The following MGAT4D variants were observed in gnomAD, a reference collection of about 807,000 sequenced individuals.
MGAT4D encodes MGAT4 family member D, also known as alpha-1,3-mannosyl-glycoprotein 4-beta-N-acetylglucosaminyltransferase-like protein MGAT4D.
Under a neutral mutation model 15.9 loss-of-function variants are expected in MGAT4D, and 34 were observed. That is an observed-to-expected ratio of 2.14 (90% CI 1.62 to 2.84). The LOEUF is 2.84. Among genes scored for constraint, MGAT4D ranks in the 30% most tolerant of loss-of-function variants. The pLI is 0.00. For synonymous variants in MGAT4D, 112 were observed against 48.2 expected (o/e 2.33, Z -5.49); for missense variants, 327 against 140.2 (o/e 2.33, Z -6.73).
intron 1 of MGAT4D, among the ~76,000 whole-genome samples, chr4:140,491,037 T>C (rs963973430): frequency 1.3e-5 from 2 of 152,244 alleles, no homozygotes; most frequent in African/African-American, 4.8e-5. Context: ...TTCTCAATAG[T>C]TCTACAAGTC....
chr4:140,465,533 AG>A (rs1448357895), intron 5 of MGAT4D, among the ~76,000 whole-genome samples: 1 of 152,210 alleles, frequency 6.6e-6, no homozygotes, highest in East Asian at 1.9e-4. Flanking sequence ...TAGATCAACA[AG>A]GTCATCACTA....
At chr4:140,459,986 G>A (rs969201169) in intron 7 of MGAT4D, among the ~76,000 whole-genome samples, 10 of 151,786 alleles carry the variant, frequency 6.6e-5, no homozygotes, top group Non-Finnish European at 1.0e-4. Context: ...TCCTGCCTTG[G>A]CCTCCCAACT....
intron 6 of MGAT4D, among the ~76,000 whole-genome samples, 165 bp downstream of exon 6, chr4:140,464,731 T>C (rs1275621273): frequency 6.6e-6 from 1 of 152,226 alleles, no homozygotes; most frequent in Non-Finnish European, 1.5e-5. Flanking sequence ...TCGATGTTAT[T>C]GAATACAGAG....
intron 3 of MGAT4D, among the ~76,000 whole-genome samples, chr4:140,476,132 T>C (rs540632422): frequency 3.3e-5 from 5 of 152,176 alleles, no homozygotes; most frequent in Non-Finnish European, 5.9e-5. Context: ...TTTTGGCTAT[T>C]CTTTTTTGTA....
At chr4:140,484,475 C>T (rs1732961730) in intron 1 of MGAT4D, among the ~76,000 whole-genome samples, 1 of 152,146 alleles carries the variant, frequency 6.6e-6, no homozygotes, top group South Asian at 2.1e-4. Context: ...TCCTTACCTT[C>T]AGGACATAGG....
chr4:140,444,785 GC>G lies in MGAT4D; in HGVS notation c.1117-1342del, dbSNP rs370295085. Among the ~76,000 whole-genome samples, 1,003 of 152,158 alleles carry G rather than the reference GC, an allele frequency of 6.6e-3. 11 individuals carry two copies. Among genetic ancestry groups the G allele is most frequent in the African/African-American group, 0.022 (917 of 41,530 alleles). ...TCTGTTTTTAGTTATTTGAGGAATT[GC>G]CACACTGCTTTCCATGATGATTGAA... On this transcript the variant is annotated intron_variant, in intron 10 of 10. Coordinates refer to ENST00000511113, the MANE Select transcript of MGAT4D (RefSeq NM_001277353.2).
intron 6 of MGAT4D, among the ~76,000 whole-genome samples, chr4:140,463,065 C>A (rs901459211): frequency 1.3e-5 from 2 of 152,092 alleles, no homozygotes; most frequent in Non-Finnish European, 2.9e-5. Context: ...ACTGAGGAAC[C>A]TGAAAATCCA....
intron 1 of MGAT4D, among the ~76,000 whole-genome samples, chr4:140,492,869 T>C (rs955835685): frequency 1.3e-5 from 2 of 152,174 alleles, no homozygotes; most frequent in Non-Finnish European, 2.9e-5. Flanking sequence ...TAAGTCTTCA[T>C]TGTCTCTCTA....
At position 140,461,591 on chromosome 4, in the gene MGAT4D, A is replaced by G. The variant is rs181073347; in HGVS notation, c.762+338T>C. Reference sequence around the variant, plus strand: ...AAAATGCATTTGCTTAATCTAATAAAATTGTAAGCCAAGAAATAAATATAG... The same window carrying G: ...AAAATGCATTTGCTTAATCTAATAAGATTGTAAGCCAAGAAATAAATATAG... On this transcript the variant is annotated intron_variant, in intron 7 of 10. Coordinates refer to ENST00000511113, the MANE Select transcript of MGAT4D (RefSeq NM_001277353.2). Among the ~76,000 whole-genome samples, 1,206 of 152,222 alleles carry G rather than the reference A, an allele frequency of 7.9e-3. 7 individuals carry two copies. The highest frequency in any genetic ancestry group is 0.012 in the Non-Finnish European group (823 of 67,996).
rs997035588 is a variant in MGAT4D at position 140,447,137 on chromosome 4, C to T, written c.1117-3693G>A. On this transcript the variant is annotated intron_variant, in intron 10 of 10. Transcript: ENST00000511113. ...ATTGTTTTATGTCCAATTTTGTGGC[C>T]GATTTTAGAGTATGTGCCATGTGGT... is the stretch of plus-strand genomic sequence containing the variant. 2.6e-5 allele frequency among the ~76,000 whole-genome samples: 4 copies of T among 151,622 alleles called. 1 individual carries two copies. In the South Asian group the frequency reaches 6.3e-4, roughly 24 times the overall value.
At chr4:140,460,874 T>A (rs1005378265) in intron 7 of MGAT4D, among the ~76,000 whole-genome samples, 1 of 152,106 alleles carries the variant, frequency 6.6e-6, no homozygotes, top group Non-Finnish European at 1.5e-5. Flanking sequence ...ATTCAGACCA[T>A]AGCTAAGACT....
intron 5 of MGAT4D, among the ~76,000 whole-genome samples, chr4:140,467,303 C>A (rs1731602542): frequency 6.6e-6 from 1 of 151,944 alleles, no homozygotes; most frequent in Non-Finnish European, 1.5e-5. Flanking sequence ...AAGTTAGTAA[C>A]ATAATATCTA....
chr4:140,475,812 T>C (rs1455265813), intron 3 of MGAT4D, among the ~76,000 whole-genome samples: 8 of 139,802 alleles, frequency 5.7e-5, no homozygotes, highest in South Asian at 4.7e-4. Context: ...GCTTTCTTTT[T>C]TTTTTTTTTT....
intron 1 of MGAT4D, among the ~76,000 whole-genome samples, chr4:140,495,348 T>C (rs1282359656): frequency 7.2e-5 from 11 of 152,238 alleles, no homozygotes; most frequent in African/African-American, 2.7e-4. Flanking sequence ...ACACCTGATA[T>C]CATATAGTAA....
chr4:140,485,132 C>T (rs1003480383), intron 1 of MGAT4D, among the ~76,000 whole-genome samples: 1 of 152,144 alleles, frequency 6.6e-6, no homozygotes, highest in Non-Finnish European at 1.5e-5. Flanking sequence ...TTCACAATAG[C>T]AAAGACTTGG....
At chr4:140,491,281 TG>T (rs1733484876) in intron 1 of MGAT4D, among the ~76,000 whole-genome samples, 1 of 152,128 alleles carries the variant, frequency 6.6e-6, no homozygotes, top group Non-Finnish European at 1.5e-5. Context: ...TCATACACAT[TG>T]GTGAAACACT....
intron 1 of MGAT4D, among the ~76,000 whole-genome samples, chr4:140,482,801 T>C (rs1732833238): frequency 6.6e-6 from 1 of 152,138 alleles, no homozygotes; most frequent in South Asian, 2.1e-4. Flanking sequence ...TTCCATGGTG[T>C]GCGTGTATCA....
At chr4:140,453,783 T>A (rs1204913958) in intron 9 of MGAT4D, among the ~76,000 whole-genome samples, 1 of 152,260 alleles carries the variant, frequency 6.6e-6, no homozygotes, top group African/African-American at 2.4e-5. Context: ...CTGTCATGAT[T>A]GTAAGTTTTC....
intron 5 of MGAT4D, among the ~76,000 whole-genome samples, chr4:140,465,254 A>G (rs1324043158): frequency 3.9e-5 from 6 of 152,202 alleles, no homozygotes; most frequent in Non-Finnish European, 7.3e-5. Context: ...GTACTTTGAC[A>G]TTTTTAAAGT....
Sources: gnomAD v4.1 joint callset for allele counts (sites outside exome capture counted in the v4.1 genomes callset) on GRCh38, gnomAD v4.1.1 for gene constraint, MANE v1.5 for transcripts, NCBI Gene and HGNC (gene_info 2026-07-23, HGNC 2026-07-21) for gene names.